NOTCH1: variants seen among roughly 807,000 people sequenced by gnomAD.
NOTCH1 encodes neurogenic locus notch homolog protein 1.
In NOTCH1, 37 loss-of-function variants were observed where a neutral mutation model predicts 254.8. That is an observed-to-expected ratio of 0.15 (90% CI 0.11 to 0.19). The LOEUF (loss-of-function observed/expected upper bound fraction) is 0.19, where lower values mean the gene tolerates loss of function less well. Ranked by LOEUF, NOTCH1 falls within the 10% of genes least tolerant of loss-of-function variation. The pLI is 1.00. For missense variants in NOTCH1, 2,972 were observed against 3,708.6 expected (o/e 0.80, Z 5.16); for synonymous variants, 1,731 against 1,618.1 (o/e 1.07, Z -1.68).
chr9:136,515,112 G>A (rs1246416559), intron 12 of NOTCH1, among the ~76,000 whole-genome samples, 178 bp downstream of exon 12: 1 of 152,142 alleles, frequency 6.6e-6, no homozygotes, highest in East Asian at 1.9e-4. Context: ...GGGTCGGGGG[G>A]ACCCATCGTG....
At position 136,497,054 on chromosome 9, in the gene NOTCH1, C is replaced by A; in HGVS notation, c.6685G>T (p.Val2229Leu). The change falls in exon 34 of 34, where the codon GTG becomes TTG. Residue 2229 changes from valine to leucine, a missense_variant. Around this residue, in one of 8 missense-constraint regions of NOTCH1, gnomAD observed 529 missense variants for 529.2 expected, o/e 1.00. Transcript: ENST00000651671. Reference protein sequence around the residue: ...LPSPFQQSPSVPLNHLPGMPD... With the variant: ...LPSPFQQSPSLPLNHLPGMPD... ...ATCCCAGGCAGGTGGTTGAGGGGCA[C>A]GGACGGAGACTGCTGGAACGGGGAG... is the stretch of plus-strand genomic sequence containing the variant. 1 of 1,609,178 alleles carries A rather than the reference C, an allele frequency of 6.2e-7. No individual in the cohort carries two copies. Among genetic ancestry groups the A allele is most frequent in the Non-Finnish European group, 8.5e-7 (1 of 1,177,970 alleles).
chr9:136,507,740 T>A (rs1843111851), intron 21 of NOTCH1, among the ~76,000 whole-genome samples: 1 of 152,084 alleles, frequency 6.6e-6, no homozygotes, highest in Non-Finnish European at 1.5e-5. Flanking sequence ...GAAAACCCCA[T>A]CCCACTTCTC....
Position 136,507,039 on chromosome 9 carries a change from C to T in NOTCH1, c.3644-66G>A, listed in dbSNP as rs1047429478. 5.2e-5 allele frequency: 81 copies of T among 1,570,426 alleles called. 1 individual carries two copies. Among genetic ancestry groups the T allele is most frequent in the East Asian group, 1.4e-4 (6 of 42,028 alleles). On this transcript the variant is annotated intron_variant, in intron 22 of 33. Coordinates refer to ENST00000651671, the MANE Select transcript of NOTCH1 (RefSeq NM_017617.5). Reference sequence around the variant, plus strand: ...CCCCGGCCCTGCCGTGCCGCGTGTCCGTCCCGGAAGACGAGCGCTCAGGTC... The same window carrying T: ...CCCCGGCCCTGCCGTGCCGCGTGTCTGTCCCGGAAGACGAGCGCTCAGGTC...
At chr9:136,519,641 T>C (rs771858097) in intron 4 of NOTCH1, 76 bp from the exon 5 acceptor site, 2 of 1,607,414 alleles carry the variant, frequency 1.2e-6, no homozygotes, top group Non-Finnish European at 1.7e-6. Context: ...GACACACTGC[T>C]CTGGACACAA....
In NOTCH1 at chr9:136,543,958, C is replaced by T. The variant is rs185629980; in HGVS notation, c.140+66G>A. On this transcript the variant is annotated intron_variant, in intron 2 of 33. Transcript: ENST00000651671. ...CAATGGCCTAGTGTTCTGTCCCCTG[C>T]GCGGCTGCAGAAGGCAGGGGCTCTG... 31 of 1,419,146 alleles carry T rather than the reference C, an allele frequency of 2.2e-5. No individual in the cohort carries two copies. In the Admixed American group the frequency reaches 3.7e-4, roughly 17 times the overall value. 87.9% of individuals were successfully genotyped at this position (1,419,146 alleles called of 1,614,324 possible).
At chr9:136,531,667 G>A (rs907625734) in intron 2 of NOTCH1, among the ~76,000 whole-genome samples, 2 of 152,186 alleles carry the variant, frequency 1.3e-5, no homozygotes, top group Non-Finnish European at 2.9e-5. Flanking sequence ...CACAGCACCC[G>A]CGGGGCGTCG....
intron 2 of NOTCH1, among the ~76,000 whole-genome samples, chr9:136,536,707 C>T (rs1435906321): frequency 6.6e-6 from 1 of 152,232 alleles, no homozygotes; most frequent in Admixed American, 6.5e-5. Context: ...ACAGCACTGA[C>T]TTTGCACACA....
At chr9:136,541,356 C>T (rs1051288134) in intron 2 of NOTCH1, among the ~76,000 whole-genome samples, 9 of 152,208 alleles carry the variant, frequency 5.9e-5, no homozygotes, top group Non-Finnish European at 2.9e-5. Context: ...ATGATTCACC[C>T]AGTACTAGTG....
At chr9:136,528,032 C>G (rs1345184284) in intron 2 of NOTCH1, among the ~76,000 whole-genome samples, 3 of 152,124 alleles carry the variant, frequency 2.0e-5, no homozygotes, top group African/African-American at 7.2e-5. Flanking sequence ...AGGACGAATT[C>G]TAAATTGTGC....
intron 9 of NOTCH1, 73 bp downstream of exon 9, chr9:136,517,199 A>C: frequency 1.0e-6 from 1 of 965,734 alleles, no homozygotes; most frequent in Non-Finnish European, 1.6e-6. Context: ...AGGGGACACA[A>C]CCCACGCCCA....
chr9:136,530,993 G>A (rs1564208141), intron 2 of NOTCH1, among the ~76,000 whole-genome samples: 1 of 152,260 alleles, frequency 6.6e-6, no homozygotes, highest in Non-Finnish European at 1.5e-5. Context: ...GTCGCTGGGG[G>A]TGGCAGGAAG....
At chr9:136,537,209 C>T (rs1843670084) in intron 2 of NOTCH1, among the ~76,000 whole-genome samples, 1 of 152,238 alleles carries the variant, frequency 6.6e-6, no homozygotes, top group Non-Finnish European at 1.5e-5. Context: ...CTCCTCTGGA[C>T]TGTCTGGGAG....
chr9:136,518,358 G>A (rs1843311664), intron 6 of NOTCH1, 66 bp from the exon 7 acceptor site: 4 of 1,551,230 alleles, frequency 2.6e-6, no homozygotes, highest in Non-Finnish European at 3.5e-6. Flanking sequence ...ACCCACGGCT[G>A]GGGTCCAACC....
chr9:136,523,209 G>C lies in NOTCH1; in HGVS notation c.404-21C>G, dbSNP rs965796632. ...TTTCCCTGGAGACAAGGGGACAAGA[G>C]GGTCGTGCTGGCCTCACTGCTCCCC... On this transcript the variant is annotated intron_variant, in intron 3 of 33. Coordinates refer to ENST00000651671, the MANE Select transcript of NOTCH1 (RefSeq NM_017617.5). The C allele has an allele frequency of 3.2e-6, 5 of 1,575,406 alleles. No homozygotes were observed. The Admixed American group carries it at 7.3e-5, about 23-fold the overall frequency.
At chr9:136,516,558 C>T (rs1324637680) in intron 9 of NOTCH1, among the ~76,000 whole-genome samples, 1 of 152,250 alleles carries the variant, frequency 6.6e-6, no homozygotes, top group South Asian at 2.1e-4. Flanking sequence ...TGCAGGCCAA[C>T]CTGCCCCACG....
chr9:136,502,860 CTT>C (rs992167533), intron 27 of NOTCH1: 8 of 566,422 alleles, frequency 1.4e-5, no homozygotes, highest in South Asian at 3.8e-5. Context: ...CTCTCTCTCT[CTT>C]TTTTTTTCTT....
At chr9:136,517,044 G>T (rs1843285015) in intron 9 of NOTCH1, among the ~76,000 whole-genome samples, 1 of 148,956 alleles carries the variant, frequency 6.7e-6, no homozygotes, top group African/African-American at 2.5e-5. Flanking sequence ...CCCCCCTCAG[G>T]AGGCCGGGGT....
At chr9:136,538,788 G>A (rs554642280) in intron 2 of NOTCH1, among the ~76,000 whole-genome samples, 1 of 152,366 alleles carries the variant, frequency 6.6e-6, no homozygotes, top group South Asian at 2.1e-4. Context: ...GTCTGCCAGG[G>A]CTTTTACGAG....
At chr9:136,533,413 T>TCGTCAACAGCTGA (rs1554731891) in intron 2 of NOTCH1, among the ~76,000 whole-genome samples, 1 of 151,608 alleles carries the variant, frequency 6.6e-6, no homozygotes, top group East Asian at 1.9e-4. Context: ...GTGTTTCCGC[T>TCGTCAACAGCTGA]CGTCAACAGC....
Sources: gnomAD v4.1 joint callset for allele counts (sites outside exome capture counted in the v4.1 genomes callset) on GRCh38, gnomAD v4.1.1 for gene constraint, gnomAD v4.1.1 regional missense constraint, MANE v1.5 for transcripts, NCBI Gene and HGNC (gene_info 2026-07-23, HGNC 2026-07-21) for gene names.